Variants in HPSE2 observed in about 807,000 individuals in gnomAD.
HPSE2 encodes inactive heparanase-2.
In HPSE2, 38 loss-of-function variants were observed where a neutral mutation model predicts 60.5. The ratio of observed to expected loss-of-function variants is 0.63; its 90% confidence interval spans 0.48 to 0.82. The LOEUF is 0.82. HPSE2 is among the 40% of genes least tolerant of loss of function. The pLI, the probability that HPSE2 is intolerant of heterozygous loss-of-function variation, is 0.00. For missense variants in HPSE2, 713 were observed against 740.4 expected (o/e 0.96, Z 0.43); for synonymous variants, 295 against 293.2 (o/e 1.01, Z -0.06).
chr10:98,744,864 G>T (rs1949589224), intron 3 of HPSE2, among the ~76,000 whole-genome samples: 1 of 152,140 alleles, frequency 6.6e-6, no homozygotes, highest in African/African-American at 2.4e-5. Flanking sequence ...CTGAAGTCCA[G>T]ATTTCTAATA....
intron 4 of HPSE2, among the ~76,000 whole-genome samples, chr10:98,723,819 G>A (rs921298895): frequency 4.0e-5 from 6 of 151,834 alleles, no homozygotes; most frequent in Non-Finnish European, 1.5e-5. Flanking sequence ...TATCCCCTTT[G>A]TCATTTTTTA....
intron 3 of HPSE2, among the ~76,000 whole-genome samples, chr10:98,882,448 A>AC (rs1953049996): frequency 6.6e-6 from 1 of 152,048 alleles, no homozygotes; most frequent in Non-Finnish European, 1.5e-5. Context: ...TATGGCTGAA[A>AC]TAGGCTAGGC....
At chr10:99,163,719 T>TA (rs1038031302) in intron 2 of HPSE2, among the ~76,000 whole-genome samples, 7 of 152,204 alleles carry the variant, frequency 4.6e-5, no homozygotes, top group African/African-American at 1.4e-4. Context: ...TTTCCATGTC[T>TA]CCTTAGTCTT....
intron 11 of HPSE2, among the ~76,000 whole-genome samples, chr10:98,481,665 C>G (rs1941241016): frequency 6.6e-6 from 1 of 152,182 alleles, no homozygotes; most frequent in African/African-American, 2.4e-5. Flanking sequence ...GCTCCCATTG[C>G]AAATACAATT....
At chr10:99,117,864 T>C (rs1392694728) in intron 3 of HPSE2, among the ~76,000 whole-genome samples, 1 of 152,230 alleles carries the variant, frequency 6.6e-6, no homozygotes, top group Non-Finnish European at 1.5e-5. Context: ...TAACTCATTC[T>C]AGGAGGCCAG....
intron 3 of HPSE2, among the ~76,000 whole-genome samples, chr10:98,913,192 G>C (rs1954028188): frequency 6.6e-6 from 1 of 152,108 alleles, no homozygotes; most frequent in Non-Finnish European, 1.5e-5. Context: ...ATCCAAGGTA[G>C]AGTTGTTATC....
intron 3 of HPSE2, among the ~76,000 whole-genome samples, chr10:99,052,087 T>C (rs1958004459): frequency 6.6e-6 from 1 of 150,922 alleles, no homozygotes; most frequent in Non-Finnish European, 1.5e-5. Flanking sequence ...GAAAAAGCAG[T>C]CAATACAAAG....
At chr10:98,474,963 A>G (rs1178774182) in intron 11 of HPSE2, among the ~76,000 whole-genome samples, 1 of 152,142 alleles carries the variant, frequency 6.6e-6, no homozygotes, top group Non-Finnish European at 1.5e-5. Context: ...CCCACATTAA[A>G]TAGCTCTTGA....
intron 3 of HPSE2, among the ~76,000 whole-genome samples, chr10:99,104,933 G>A (rs761560327): frequency 9.2e-5 from 14 of 151,892 alleles, no homozygotes; most frequent in Non-Finnish European, 1.6e-4. Context: ...GAGAGGGGAG[G>A]GATAGCATTA....
chr10:98,732,255 G>C (rs1034059765), intron 4 of HPSE2, among the ~76,000 whole-genome samples: 2 of 152,122 alleles, frequency 1.3e-5, no homozygotes, highest in South Asian at 2.1e-4. Context: ...ATTCCAGGAG[G>C]CTTTGATGAA....
chr10:98,820,283 C>A (rs530756184), intron 3 of HPSE2, among the ~76,000 whole-genome samples: 1 of 152,096 alleles, frequency 6.6e-6, no homozygotes, highest in African/African-American at 2.4e-5. Context: ...TCTCCTTAAA[C>A]TTCTAGCAGA....
At chr10:99,131,574 G>T (rs1845385774) in intron 3 of HPSE2, among the ~76,000 whole-genome samples, 1 of 151,990 alleles carries the variant, frequency 6.6e-6, no homozygotes, top group African/African-American at 2.4e-5. Flanking sequence ...AAAAAGGAAA[G>T]AAATAAGACC....
chr10:99,093,227 CA>C (rs58418414), intron 3 of HPSE2, among the ~76,000 whole-genome samples: 11 of 147,310 alleles, frequency 7.5e-5, no homozygotes, highest in East Asian at 2.0e-4. Flanking sequence ...GGCTCCATTT[CA>C]AAAAAAAAAG....
At chr10:98,850,727 A>G (rs1395729496) in intron 3 of HPSE2, among the ~76,000 whole-genome samples, 2 of 110,978 alleles carry the variant, frequency 1.8e-5, no homozygotes, top group African/African-American at 7.6e-5. Flanking sequence ...ACAGAGTGAG[A>G]CTCCATCTCA....
chr10:99,215,582 A>G lies in HPSE2; in HGVS notation c.448+16766T>C, dbSNP rs34726996. 9.2e-3 allele frequency among the ~76,000 whole-genome samples: 1,400 copies of G among 152,342 alleles called. 9 individuals carry two copies. The highest frequency in any genetic ancestry group is 0.021 in the East Asian group (111 of 5,190). On this transcript the variant is annotated intron_variant, in intron 2 of 11. Transcript: ENST00000370552. ...CATGGCACAAGTATACCTAGGTAAC[A>G]AATCTGTACTTTCTGCACATGTATC...
intron 3 of HPSE2, among the ~76,000 whole-genome samples, chr10:98,805,031 C>G (rs1272589650): frequency 6.6e-6 from 1 of 152,086 alleles, no homozygotes; most frequent in Non-Finnish European, 1.5e-5. Flanking sequence ...ATAAGCCAGG[C>G]AAGGGAAGAC....
intron 3 of HPSE2, among the ~76,000 whole-genome samples, chr10:98,996,181 C>A (rs1005287707): frequency 6.6e-6 from 1 of 152,064 alleles, no homozygotes; most frequent in Non-Finnish European, 1.5e-5. Flanking sequence ...ACCAACCTAT[C>A]AATGTATTAG....
intron 2 of HPSE2, among the ~76,000 whole-genome samples, chr10:99,219,970 T>G (rs1311628039): frequency 6.6e-6 from 1 of 152,190 alleles, no homozygotes; most frequent in Non-Finnish European, 1.5e-5. Context: ...CAAAAATTCC[T>G]TAGCCAGGAT....
chr10:99,082,478 A>T (rs1430523317), intron 3 of HPSE2, among the ~76,000 whole-genome samples: 2 of 152,202 alleles, frequency 1.3e-5, no homozygotes, highest in African/African-American at 4.8e-5. Flanking sequence ...CTGCTTTCTT[A>T]GAAGTTCATG....
Sources: gnomAD v4.1 joint callset for allele counts (sites outside exome capture counted in the v4.1 genomes callset) on GRCh38, gnomAD v4.1.1 for gene constraint, MANE v1.5 for transcripts, NCBI Gene and HGNC (gene_info 2026-07-23, HGNC 2026-07-21) for gene names.